Variants in INVS observed in about 807,000 individuals in gnomAD.
INVS encodes inversin.
In INVS, 86 loss-of-function variants were observed where a neutral mutation model predicts 108.8. The observed-to-expected ratio is 0.79, with a 90% CI of 0.66 to 0.95. INVS has a LOEUF of 0.95. INVS is among the 40% of genes least tolerant of loss of function. The pLI, the probability that INVS is intolerant of heterozygous loss-of-function variation, is 0.00. For missense variants in INVS, 1,169 were observed against 1,297.4 expected (o/e 0.90, Z 1.52); for synonymous variants, 455 against 473.5 (o/e 0.96, Z 0.51).
chr9:100,225,063 T>G (rs916418767), intron 3 of INVS, among the ~76,000 whole-genome samples: 5 of 131,902 alleles, frequency 3.8e-5, no homozygotes, highest in Non-Finnish European at 6.3e-5. Context: ...GGTTTTTTTG[T>G]TTTTTTTTTT....
At chr9:100,210,067 C>G (rs540206567) in intron 3 of INVS, among the ~76,000 whole-genome samples, 2 of 152,306 alleles carry the variant, frequency 1.3e-5, no homozygotes, top group East Asian at 3.9e-4. Flanking sequence ...GCACTGTTTT[C>G]TCCAATAAGC....
At chr9:100,291,071 A>AT (rs370662366) in intron 13 of INVS, among the ~76,000 whole-genome samples, 38 of 144,820 alleles carry the variant, frequency 2.6e-4, no homozygotes, top group South Asian at 6.7e-4. Flanking sequence ...TTTATTAAGA[A>AT]TTTTTTTTTT....
intron 3 of INVS, among the ~76,000 whole-genome samples, chr9:100,159,914 A>G (rs1455075780): frequency 6.6e-6 from 1 of 152,198 alleles, no homozygotes; most frequent in African/African-American, 2.4e-5. Context: ...CTTGACCGTA[A>G]TGAAAATGCT....
chr9:100,171,668 AAATG>A (rs1472708310), intron 3 of INVS, among the ~76,000 whole-genome samples: 1 of 152,166 alleles, frequency 6.6e-6, no homozygotes, highest in Non-Finnish European at 1.5e-5. Context: ...AAATTGGACT[AAATG>A]AAAGGGATTT....
At chr9:100,254,243 G>A (rs185515826) in intron 10 of INVS, among the ~76,000 whole-genome samples, 6 of 152,188 alleles carry the variant, frequency 3.9e-5, no homozygotes, top group African/African-American at 9.6e-5. Flanking sequence ...CATGTCCTTC[G>A]CCCACTTTTT....
chr9:100,152,307 C>T (rs1256636831), intron 3 of INVS, among the ~76,000 whole-genome samples: 1 of 152,130 alleles, frequency 6.6e-6, no homozygotes, highest in African/African-American at 2.4e-5. Context: ...GTAACCTACC[C>T]AGGTCCTCTT....
intron 3 of INVS, among the ~76,000 whole-genome samples, chr9:100,198,889 C>T (rs924902635): frequency 1.3e-5 from 2 of 152,114 alleles, no homozygotes; most frequent in Non-Finnish European, 2.9e-5. Flanking sequence ...CCATGCCTGG[C>T]CCTGGCTACA....
intron 3 of INVS, among the ~76,000 whole-genome samples, chr9:100,168,975 A>G (rs1317052105): frequency 6.6e-6 from 1 of 152,232 alleles, no homozygotes; most frequent in Non-Finnish European, 1.5e-5. Context: ...TTTATGAGAG[A>G]AATTGCATAA....
At chr9:100,230,812 C>T (rs778452894) in intron 5 of INVS, among the ~76,000 whole-genome samples, 4 of 152,154 alleles carry the variant, frequency 2.6e-5, no homozygotes, top group Non-Finnish European at 5.9e-5. Flanking sequence ...CCAACGTGTC[C>T]GACCACTGGT....
chr9:100,121,335 A>G (rs948462330), intron 2 of INVS, among the ~76,000 whole-genome samples: 20 of 152,184 alleles, frequency 1.3e-4, no homozygotes, highest in African/African-American at 4.6e-4. Context: ...AGTCCTGCCC[A>G]CACTCAAGAG....
intron 3 of INVS, among the ~76,000 whole-genome samples, chr9:100,187,493 G>A (rs1830086791): frequency 7.3e-6 from 1 of 137,734 alleles, no homozygotes; most frequent in Non-Finnish European, 1.5e-5. Context: ...AGCGTGGGAT[G>A]TGTTTCCATT....
chr9:100,236,526 T>A (rs1831691531), intron 5 of INVS, among the ~76,000 whole-genome samples: 1 of 152,192 alleles, frequency 6.6e-6, no homozygotes, highest in Non-Finnish European at 1.5e-5. Context: ...CTGATGACCT[T>A]TGGATGGGAT....
In INVS at chr9:100,173,526, G is replaced by A. The variant is rs1213051877; in HGVS notation, c.273+46977G>A. On this transcript the variant is annotated intron_variant, in intron 3 of 16. Transcript: ENST00000262457. ...GTGGATCACTTGAGGTAGGGAGTTCGAGACTAGCCTGGCCAACATGGTGAA... is the reference window on the plus strand; with the variant it reads ...GTGGATCACTTGAGGTAGGGAGTTCAAGACTAGCCTGGCCAACATGGTGAA... Among the ~76,000 whole-genome samples, 4 of 152,086 alleles carry A rather than the reference G, an allele frequency of 2.6e-5. No individual in the cohort carries two copies. The South Asian group carries it at 6.2e-4, about 24-fold the overall frequency.
chr9:100,164,319 G>A (rs1265087140), intron 3 of INVS, among the ~76,000 whole-genome samples: 1 of 151,992 alleles, frequency 6.6e-6, no homozygotes, highest in Non-Finnish European at 1.5e-5. Flanking sequence ...ATTAACTCTA[G>A]TCACCGTGTT....
At chr9:100,262,650 A>G (rs1457647121) in intron 10 of INVS, among the ~76,000 whole-genome samples, 2 of 151,508 alleles carry the variant, frequency 1.3e-5, no homozygotes, top group Non-Finnish European at 2.9e-5. Context: ...AAAAAAAAAA[A>G]AAAAAAAAAA....
chr9:100,251,542 C>T (rs1486321721), intron 8 of INVS, among the ~76,000 whole-genome samples: 3 of 152,206 alleles, frequency 2.0e-5, no homozygotes, highest in Non-Finnish European at 4.4e-5. Context: ...AGTTTTTCTC[C>T]AGTGAAGCAA....
At chr9:100,264,796 T>C (rs774586021) in intron 10 of INVS, 26 bp from the exon 11 acceptor site, 1 of 1,429,096 alleles carries the variant, frequency 7.0e-7, no homozygotes, top group South Asian at 1.1e-5. Flanking sequence ...ACTCCAGATG[T>C]ACTTGATTTT....
chr9:100,141,473 G>A (rs1027348293), intron 3 of INVS, among the ~76,000 whole-genome samples: 7 of 152,110 alleles, frequency 4.6e-5, no homozygotes, highest in Non-Finnish European at 2.9e-5. Context: ...AATAAAGGCC[G>A]GTCTGCTATC....
intron 13 of INVS, among the ~76,000 whole-genome samples, chr9:100,290,380 G>A (rs1833574268): frequency 1.3e-5 from 2 of 151,784 alleles, no homozygotes; most frequent in Admixed American, 6.6e-5. Flanking sequence ...ACAGAGTTTC[G>A]CTCTTGTCGC....
Sources: allele counts gnomAD v4.1 joint callset (sites outside exome capture counted in the v4.1 genomes callset), GRCh38; gene constraint gnomAD v4.1.1; transcripts MANE v1.5; gene names NCBI Gene and HGNC (gene_info 2026-07-23, HGNC 2026-07-21).